The following DCC variants were observed in gnomAD, a reference collection of about 807,000 sequenced individuals.
DCC encodes netrin receptor DCC.
Under a neutral mutation model 172.5 loss-of-function variants are expected in DCC, and 58 were observed. That is an observed-to-expected ratio of 0.34 (90% CI 0.27 to 0.42). The LOEUF is 0.42. Ranked by LOEUF, DCC falls within the 10% of genes least tolerant of loss-of-function variation. The pLI is 1.00. For synonymous variants in DCC, 709 were observed against 644.5 expected (o/e 1.10, Z -1.52); for missense variants, 1,740 against 1,791.0 (o/e 0.97, Z 0.51).
Position 52,437,569 on chromosome 18 carries a change from C to T in DCC, c.91+96691C>T, listed in dbSNP as rs751618446. ...CTCTGGATGGTTAAAGATAGGGGCG[C>T]ATATTCTGCAGATAGGATTGTACAG... On this transcript the variant is annotated intron_variant, in intron 1 of 28. Coordinates refer to ENST00000442544, the MANE Select transcript of DCC (RefSeq NM_005215.4). Among the ~76,000 whole-genome samples, 2 of 152,188 alleles carry T rather than the reference C, an allele frequency of 1.3e-5. 1 individual carries two copies.
chr18:52,435,132 C>G (rs780796940), intron 1 of DCC, among the ~76,000 whole-genome samples: 1 of 152,160 alleles, frequency 6.6e-6, no homozygotes, highest in East Asian at 1.9e-4. Context: ...AGTAAAAATG[C>G]TGGTGCCTTT....
intron 1 of DCC, among the ~76,000 whole-genome samples, chr18:52,613,003 A>AT (rs2034303486): frequency 6.6e-6 from 1 of 152,180 alleles, no homozygotes. Flanking sequence ...TCTGTCAGGC[A>AT]TTTTGAGTGA....
At chr18:53,012,105 TGAAGTTATCACTTTG>T (rs2041738697) in intron 5 of DCC, among the ~76,000 whole-genome samples, 1 of 151,934 alleles carries the variant, frequency 6.6e-6, no homozygotes, top group Non-Finnish European at 1.5e-5. Context: ...AATGTAAAGA[TGAAGTTATCACTTTG>T]GAAAACTCTT....
intron 12 of DCC, among the ~76,000 whole-genome samples, chr18:53,238,314 A>G (rs2056234641): frequency 6.6e-6 from 1 of 152,230 alleles, no homozygotes; most frequent in African/African-American, 2.4e-5. Flanking sequence ...TATTGATGAT[A>G]GATGTTACAT....
chr18:52,946,188 G>A (rs2040541992), intron 5 of DCC, among the ~76,000 whole-genome samples: 1 of 152,174 alleles, frequency 6.6e-6, no homozygotes, highest in East Asian at 1.9e-4. Flanking sequence ...AGCAGCATCT[G>A]TAACAACTAA....
chr18:52,607,024 A>AT (rs543100599), intron 1 of DCC, among the ~76,000 whole-genome samples: 68 of 152,234 alleles, frequency 4.5e-4, no homozygotes, highest in African/African-American at 1.4e-3. Flanking sequence ...GCTAAAGGTC[A>AT]TTTTTTTGCT....
intron 7 of DCC, among the ~76,000 whole-genome samples, chr18:53,136,458 G>A (rs1450464758): frequency 2.0e-5 from 3 of 151,986 alleles, no homozygotes; most frequent in Non-Finnish European, 4.4e-5. Context: ...AGTTTCGCAA[G>A]ACAATGAAAA....
At chr18:53,258,238 T>C (rs1004354486) in intron 12 of DCC, among the ~76,000 whole-genome samples, 3 of 152,184 alleles carry the variant, frequency 2.0e-5, no homozygotes, top group African/African-American at 7.2e-5. Flanking sequence ...CTTAGTTATT[T>C]CTTGCCTTCT....
rs2057835538 is a variant in DCC at position 53,353,402 on chromosome 18, C to A, written c.2359+13495C>A. Among the ~76,000 whole-genome samples the A allele has an allele frequency of 7.6e-5, 7 of 92,142 alleles. No individual in the cohort carries two copies. In the South Asian group the frequency reaches 3.3e-3, roughly 43 times the overall value. The allele number at this position is 92,142 out of a possible 152,430, so 60.4% of individuals were successfully genotyped here. A position where few individuals can be genotyped will look rare whatever the true frequency, so the allele number is the denominator to read the frequency against. On this transcript the variant is annotated intron_variant, in intron 15 of 28. Transcript: ENST00000442544. ...TAAAGCTATTTCATTAAAACCTGAG[C>A]TAAGACAAAAATAGATAAATAAATA...
chr18:53,192,246 T>C (rs1040654573), intron 9 of DCC, among the ~76,000 whole-genome samples: 7 of 152,212 alleles, frequency 4.6e-5, no homozygotes, highest in Non-Finnish European at 1.0e-4. Flanking sequence ...GCAAAGTGAA[T>C]ATTAATTTCA....
chr18:52,950,929 CAAAAAAAAAAAAAAAAAAAAAAAAAAAA>C (rs755118442), intron 5 of DCC, among the ~76,000 whole-genome samples: 1 of 57,424 alleles, frequency 1.7e-5, no homozygotes, highest in South Asian at 1.0e-3. Context: ...GACTCCGTCT[CAAAAAAAAAAAAAAAAAAAAAAAAAAAA>C]AAAAAAAAAA....
intron 1 of DCC, among the ~76,000 whole-genome samples, chr18:52,355,146 C>G (rs369450008): frequency 6.6e-6 from 1 of 151,240 alleles, no homozygotes; most frequent in East Asian, 1.9e-4. Flanking sequence ...TTGAGTGAGT[C>G]AAAGCATTAA....
chr18:53,206,780 C>T (rs11082972), intron 10 of DCC, among the ~76,000 whole-genome samples: 83,339 of 150,044 alleles, frequency 0.56, 24,484 homozygotes, highest in African/African-American at 0.71. Context: ...AAAATTGGCC[C>T]CAGGATATGG....
intron 18 of DCC, among the ~76,000 whole-genome samples, chr18:53,402,535 C>G (rs1388876597): frequency 6.6e-6 from 1 of 152,062 alleles, no homozygotes; most frequent in Non-Finnish European, 1.5e-5. Context: ...GTACTTTTCT[C>G]CTTTATATTC....
At chr18:52,873,430 G>A (rs2039353036) in intron 2 of DCC, among the ~76,000 whole-genome samples, 1 of 152,156 alleles carries the variant, frequency 6.6e-6, no homozygotes, top group South Asian at 2.1e-4. Flanking sequence ...CCTATGACAT[G>A]AAAATGGACT....
At chr18:53,372,761 C>T (rs567893721) in intron 15 of DCC, among the ~76,000 whole-genome samples, 9 of 109,758 alleles carry the variant, frequency 8.2e-5, no homozygotes, top group Admixed American at 6.5e-4. Flanking sequence ...GTGTCTAATC[C>T]CAATTCCACG....
intron 3 of DCC, among the ~76,000 whole-genome samples, chr18:52,916,440 A>G (rs1332442743): frequency 2.6e-5 from 4 of 152,162 alleles, no homozygotes; most frequent in Non-Finnish European, 5.9e-5. Flanking sequence ...CCCAACATTC[A>G]AGCACCTTTC....
At chr18:53,249,443 G>A (rs993304864) in intron 12 of DCC, among the ~76,000 whole-genome samples, 7 of 151,734 alleles carry the variant, frequency 4.6e-5, no homozygotes, top group African/African-American at 1.7e-4. Flanking sequence ...GACAGATCAA[G>A]GGCTATGTCT....
At chr18:52,732,924 T>C (rs745880571) in intron 1 of DCC, among the ~76,000 whole-genome samples, 12 of 152,198 alleles carry the variant, frequency 7.9e-5, no homozygotes, top group Non-Finnish European at 1.6e-4. Flanking sequence ...ATGTGTTCAT[T>C]TGAAGATTCA....
Sources: gnomAD v4.1 joint callset for allele counts (sites outside exome capture counted in the v4.1 genomes callset) on GRCh38, gnomAD v4.1.1 for gene constraint, MANE v1.5 for transcripts, NCBI Gene and HGNC (gene_info 2026-07-23, HGNC 2026-07-21) for gene names.